Variants in GLS observed in about 807,000 individuals in gnomAD.
GLS encodes glutaminase, also known as glutaminase kidney isoform, mitochondrial.
A neutral mutation model predicts 86.7 loss-of-function variants in GLS; 36 were observed. The observed-to-expected ratio is 0.42, with a 90% confidence interval of 0.32 to 0.55. GLS has a LOEUF of 0.55. GLS is among the 20% of genes least tolerant of loss of function. The probability of loss-of-function intolerance (pLI) is 0.17; values close to 1 mark genes in which losing one functional copy is unlikely to be tolerated. For missense variants in GLS, 528 were observed against 833.4 expected, an observed-to-expected ratio of 0.63 and a Z score of 4.51; for synonymous variants, 317 against 305.9, an observed-to-expected ratio of 1.04 and a Z score of -0.38.
At chr2:190,881,785 C>G (rs976321164) in intron 1 of GLS, 6 of 267,200 alleles carry the variant, frequency 2.2e-5, no homozygotes, top group Non-Finnish European at 4.3e-5. Flanking sequence ...CCTGCCCGCG[C>G]TGCGTGCTCA....
At chr2:190,946,870 C>T (rs985357663) in intron 14 of GLS, among the ~76,000 whole-genome samples, 1 of 152,132 alleles carries the variant, frequency 6.6e-6, no homozygotes, top group African/African-American at 2.4e-5. Context: ...TCTAGTTGTA[C>T]AGAATTGGGA....
chr2:190,919,686 T>A (rs1310790290), intron 7 of GLS: 1 of 834,068 alleles, frequency 1.2e-6, no homozygotes, highest in Non-Finnish European at 1.4e-6. Context: ...TGGTAATTTC[T>A]TCTTTTAATT....
chr2:190,950,429 G>C (rs1690689780), intron 14 of GLS, among the ~76,000 whole-genome samples: 1 of 152,214 alleles, frequency 6.6e-6, no homozygotes, highest in Admixed American at 6.5e-5. Context: ...GTGGTGAGAA[G>C]TGATAGGATT....
In GLS at chr2:190,897,294, C is replaced by T. The variant is rs543899652; in HGVS notation, c.605+1569C>T. 2.6e-5 allele frequency among the ~76,000 whole-genome samples: 4 copies of T among 152,090 alleles called. No individual in the cohort carries two copies. The highest frequency in any genetic ancestry group is 1.9e-4 in the East Asian group (1 of 5,180). Reference sequence around the variant, plus strand: ...TCCGCCTCGGCCTCCTAAAGTTACACGGTTTTAATACTTGAAAAAATATTT... The same window carrying T: ...TCCGCCTCGGCCTCCTAAAGTTACATGGTTTTAATACTTGAAAAAATATTT... On this transcript the variant is annotated intron_variant, in intron 3 of 17. Coordinates refer to ENST00000320717, the MANE Select transcript of GLS (RefSeq NM_014905.5). This position sits in a 1 kb window ranked among gnomAD's most constrained non-coding sequence, Gnocchi z 4.3.
chr2:190,898,907 C>T (rs972574896), intron 3 of GLS, among the ~76,000 whole-genome samples: 1 of 152,170 alleles, frequency 6.6e-6, no homozygotes, highest in Non-Finnish European at 1.5e-5. Context: ...GGATTATAGG[C>T]GTGAGCCACC....
At chr2:190,904,874 CAT>C (rs767754513) in intron 5 of GLS, 128 bp from the exon 6 acceptor site, 17 of 642,636 alleles carry the variant, frequency 2.6e-5, no homozygotes, top group Non-Finnish European at 4.7e-5. Context: ...GTAATTTTGA[CAT>C]AAACTTGTGG....
intron 9 of GLS, 128 bp from the exon 10 acceptor site, chr2:190,923,789 T>A (rs1160863493): frequency 3.8e-5 from 24 of 634,284 alleles, no homozygotes; most frequent in Non-Finnish European, 5.1e-5. Flanking sequence ...CAGAATTGAT[T>A]GGAACTCTGT....
In GLS at chr2:190,953,390, G is replaced by T. The variant is rs910792103; in HGVS notation, c.1651-175G>T. ...TTTCCCTCACAATCCACTGTTAAAA[G>T]AAGAAAGTATCACACACGTGGGTTC... On this transcript the variant is annotated intron_variant, in intron 14 of 17. Coordinates refer to ENST00000320717, the MANE Select transcript of GLS (RefSeq NM_014905.5). The surrounding 1 kb of genome is among the most constrained non-coding windows in gnomAD (Gnocchi z 4.0). 1.3e-5 allele frequency among the ~76,000 whole-genome samples: 2 copies of T among 152,116 alleles called. No individual in the cohort carries two copies. The highest frequency in any genetic ancestry group is 1.3e-4 in the Admixed American group (2 of 15,272).
At chr2:190,882,642 AC>A (rs1688241740) in intron 1 of GLS, among the ~76,000 whole-genome samples, 1 of 152,146 alleles carries the variant, frequency 6.6e-6, no homozygotes, top group African/African-American at 2.4e-5. Context: ...TGAAGTTGGG[AC>A]CTTCCAGAAA....
intron 1 of GLS, among the ~76,000 whole-genome samples, chr2:190,885,999 T>C (rs935193912): frequency 6.6e-6 from 1 of 151,744 alleles, no homozygotes; most frequent in African/African-American, 2.4e-5. Flanking sequence ...CAGCCCCCCA[T>C]GTAGCTGGGA....
rs768709023 is a variant in GLS at position 190,902,047 on chromosome 2, T to A, written c.815+21T>A. Reference sequence around the variant, plus strand: ...CAGAGGTAAGTTTATTTCAAATTCATGAAAACCAACTCTAAGCCTTAACTT... The same window carrying A: ...CAGAGGTAAGTTTATTTCAAATTCAAGAAAACCAACTCTAAGCCTTAACTT... On this transcript the variant is annotated intron_variant, in intron 5 of 17. Transcript: ENST00000320717. The A allele has an allele frequency of 2.8e-6, 4 of 1,427,048 alleles. No homozygotes were observed. In the East Asian group the frequency reaches 9.1e-5, roughly 32 times the overall value. 88.4% of individuals were successfully genotyped at this position (1,427,048 alleles called of 1,614,324 possible).
Position 190,964,631 on chromosome 2 carries a change from G to A in GLS, c.*1645G>A, listed in dbSNP as rs879227464. On this transcript the variant is annotated 3_prime_UTR_variant, in exon 18 of 18. Transcript: ENST00000320717. This position sits in a 1 kb window ranked among gnomAD's most constrained non-coding sequence, Gnocchi z 5.2. ...GTTCCTTAGCTGCACCAGGCCCGAAGCTGTTCCCATGCTTGAGCTTCCATG... is the reference window on the plus strand; with the variant it reads ...GTTCCTTAGCTGCACCAGGCCCGAAACTGTTCCCATGCTTGAGCTTCCATG... 1 of 152,174 alleles carries A rather than the reference G, an allele frequency of 6.6e-6. No individual in the cohort carries two copies. The highest frequency in any genetic ancestry group is 1.5e-5 in the Non-Finnish European group (1 of 68,034). 9.4% of individuals were successfully genotyped at this position (152,174 alleles called of 1,614,324 possible).
chr2:190,909,053 TACTAATTTAA>T (rs778692037), intron 6 of GLS, among the ~76,000 whole-genome samples: 22 of 152,332 alleles, frequency 1.4e-4, no homozygotes, highest in Admixed American at 3.3e-4. Context: ...AACTAATTTA[TACTAATTTAA>T]ACTAATTTAA....
At position 190,880,893 on chromosome 2, in the gene GLS, AG is replaced by A. The variant is rs1688116828; in HGVS notation, c.-191del. On this transcript the variant is annotated 5_prime_UTR_variant, in exon 1 of 18. Coordinates refer to ENST00000320717, the MANE Select transcript of GLS (RefSeq NM_014905.5). ...AGCGCGCAGCAGCAGCAGCAGCAGC[AG>A]CAGCAGCAGCAGCAGCAGCAGCAGC... 1.6e-5 allele frequency: 8 copies of A among 511,278 alleles called. No homozygotes were observed. Among genetic ancestry groups the A allele is most frequent in the African/African-American group, 5.3e-5 (2 of 37,700 alleles). The allele number at this position is 511,278 out of a possible 1,614,324, so 31.7% of individuals were successfully genotyped here.
chr2:190,880,898 CAG>C lies in GLS; in HGVS notation c.-186_-185del, dbSNP rs1688118555. ...GCAGCAGCAGCAGCAGCAGCAGCAG[CAG>C]CAGCAGCAGCAGCAGCAGCACCCGC... On this transcript the variant is annotated 5_prime_UTR_variant, in exon 1 of 18. Coordinates refer to ENST00000320717, the MANE Select transcript of GLS (RefSeq NM_014905.5). 3 of 860,708 alleles carry C rather than the reference CAG, an allele frequency of 3.5e-6. No homozygotes were observed. The highest frequency in any genetic ancestry group is 5.4e-6 in the Non-Finnish European group (3 of 556,196). The allele number at this position is 860,708 out of a possible 1,614,324, so 53.3% of individuals were successfully genotyped here. A position where few individuals can be genotyped will look rare whatever the true frequency, so the allele number is the denominator to read the frequency against.
At chr2:190,904,597 C>A (rs1264954418) in intron 5 of GLS, among the ~76,000 whole-genome samples, 1 of 152,082 alleles carries the variant, frequency 6.6e-6, no homozygotes, top group Admixed American at 6.6e-5. Flanking sequence ...ATAGTTGTGG[C>A]TGTAGTAAAC....
In GLS at chr2:190,954,145, GA is replaced by G. The variant is rs1453879105; in HGVS notation, c.1713-434del. 6.6e-6 allele frequency among the ~76,000 whole-genome samples: 1 copy of G among 151,698 alleles called. No homozygotes were observed. The highest frequency in any genetic ancestry group is 1.9e-4 in the East Asian group (1 of 5,168). On this transcript the variant is annotated intron_variant, in intron 15 of 17. Transcript: ENST00000320717. This position sits in a 1 kb window ranked among gnomAD's most constrained non-coding sequence, Gnocchi z 4.0. ...CCTCAAATAACTGATTTTCAAAGTGGAAAAATGTCTGTGCTTCCCCCCCTTG... is the reference window on the plus strand; with the variant it reads ...CCTCAAATAACTGATTTTCAAAGTGGAAAATGTCTGTGCTTCCCCCCCTTG...
Position 190,965,381 on chromosome 2 carries a change from C to G in GLS, c.*2395C>G, listed in dbSNP as rs564968175. On this transcript the variant is annotated 3_prime_UTR_variant, in exon 18 of 18. Coordinates refer to ENST00000320717, the MANE Select transcript of GLS (RefSeq NM_014905.5). This position sits in a 1 kb window ranked among gnomAD's most constrained non-coding sequence, Gnocchi z 5.0. The stretch of plus-strand genomic sequence containing the variant: ...AATGACCTGATGTCAGATTTAGATT[C>G]TTCCTGGGGATTACACAGCTATGAA... The G allele has an allele frequency of 9.8e-5, 15 of 152,716 alleles. No homozygotes were observed. In the East Asian group the frequency reaches 2.9e-3, roughly 29 times the overall value. The allele number at this position is 152,716 out of a possible 1,614,324, so 9.5% of individuals were successfully genotyped here. A position where few individuals can be genotyped will look rare whatever the true frequency, so the allele number is the denominator to read the frequency against.
At chr2:190,901,042 A>G (rs1558971550) in intron 4 of GLS, among the ~76,000 whole-genome samples, 1 of 152,138 alleles carries the variant, frequency 6.6e-6, no homozygotes, top group Non-Finnish European at 1.5e-5. Context: ...TGTAAATAAT[A>G]CTAGGAACTA....
Sources: allele counts gnomAD v4.1 joint callset (sites outside exome capture counted in the v4.1 genomes callset), GRCh38; gene constraint gnomAD v4.1.1; non-coding constraint Gnocchi (gnomAD v3.1); transcripts MANE v1.5; gene names NCBI Gene and HGNC (gene_info 2026-07-23, HGNC 2026-07-21).